Variants in ZDHHC20 observed in about 807,000 individuals in gnomAD.
The protein encoded by ZDHHC20 is palmitoyltransferase ZDHHC20.
A neutral mutation model predicts 57.8 loss-of-function variants in ZDHHC20; 43 were observed. The ratio of observed to expected loss-of-function variants is 0.74; its 90% CI spans 0.58 to 0.96. The LOEUF (loss-of-function observed/expected upper bound fraction) is 0.96, where lower values mean the gene tolerates loss of function less well. ZDHHC20 is among the 40% of genes least tolerant of loss of function. The pLI is 0.00. For synonymous variants in ZDHHC20, 157 were observed against 153.0 expected, an observed-to-expected ratio of 1.03 and a Z score of -0.19; for missense variants, 391 against 441.1, an observed-to-expected ratio of 0.89 and a Z score of 1.02.
chr13:21,400,581 T>A (rs1877484674), intron 6 of ZDHHC20, 88 bp from the exon 7 acceptor site: 1 of 1,360,378 alleles, frequency 7.4e-7, no homozygotes, highest in Non-Finnish European at 9.9e-7. Context: ...TGCCAGGGGC[T>A]GGTGTGGTGT....
intron 8 of ZDHHC20, among the ~76,000 whole-genome samples, chr13:21,388,556 G>C (rs1368129601): frequency 1.3e-5 from 2 of 151,992 alleles, no homozygotes; most frequent in African/African-American, 4.8e-5. Context: ...GTTTACTTGT[G>C]ACTCCTTCTA....
intron 3 of ZDHHC20, among the ~76,000 whole-genome samples, chr13:21,417,601 G>A (rs1235118156): frequency 6.6e-6 from 1 of 152,062 alleles, no homozygotes; most frequent in Admixed American, 6.6e-5. Context: ...CACCACACCC[G>A]GCTAATTTTG....
At chr13:21,394,791 G>A (rs187225968) in intron 7 of ZDHHC20, among the ~76,000 whole-genome samples, 2 of 152,236 alleles carry the variant, frequency 1.3e-5, no homozygotes, top group Admixed American at 6.5e-5. Context: ...CCCAGCTAAG[G>A]GGGAAATCAA....
At chr13:21,401,042 C>T (rs1877552218) in intron 6 of ZDHHC20, among the ~76,000 whole-genome samples, 1 of 151,934 alleles carries the variant, frequency 6.6e-6, no homozygotes, top group Non-Finnish European at 1.5e-5. Flanking sequence ...CTTTGGGAGG[C>T]CAAGGCGGGT....
intron 1 of ZDHHC20, among the ~76,000 whole-genome samples, chr13:21,437,942 C>T (rs540642303): frequency 1.3e-5 from 2 of 152,286 alleles, no homozygotes; most frequent in South Asian, 2.1e-4. Context: ...CTGCCCGCCT[C>T]GGCCTCCCAA....
intron 1 of ZDHHC20, among the ~76,000 whole-genome samples, chr13:21,433,160 T>G (rs954922437): frequency 6.6e-6 from 1 of 152,102 alleles, no homozygotes; most frequent in African/African-American, 2.4e-5. Context: ...AGGATTTTGC[T>G]GTATTGCCCA....
chr13:21,453,682 C>A (rs559396083), intron 1 of ZDHHC20, among the ~76,000 whole-genome samples: 1 of 152,200 alleles, frequency 6.6e-6, no homozygotes, highest in South Asian at 2.1e-4. Context: ...TGGAAAACCC[C>A]CAAATAAATG....
rs886448349 is a variant in ZDHHC20, at chr13:21,375,409, T to A, written c.*1287A>T. On this transcript the variant is annotated 3_prime_UTR_variant, in exon 13 of 13. Coordinates refer to ENST00000400590, the MANE Select transcript of ZDHHC20 (RefSeq NM_001330059.2). ...GTAAATGAGGAGTGACATTTCTACATTGTTTATTCTGTACTTTTCCTTGGA... is the reference window on the plus strand; with the variant it reads ...GTAAATGAGGAGTGACATTTCTACAATGTTTATTCTGTACTTTTCCTTGGA... The A allele has an allele frequency of 3.2e-6, 1 of 308,146 alleles. No individual in the cohort carries two copies. Among genetic ancestry groups the A allele is most frequent in the African/African-American group, 2.3e-5 (1 of 44,172 alleles). The allele number at this position is 308,146 out of a possible 1,614,324, so 19.1% of individuals were successfully genotyped here. A position where few individuals can be genotyped will look rare whatever the true frequency, so the allele number is the denominator to read the frequency against.
chr13:21,414,780 T>C (rs1259206185), intron 3 of ZDHHC20, among the ~76,000 whole-genome samples: 2 of 152,056 alleles, frequency 1.3e-5, no homozygotes, highest in Admixed American at 6.6e-5. Flanking sequence ...TTATGTTTAA[T>C]TGTTCTTTTC....
intron 1 of ZDHHC20, among the ~76,000 whole-genome samples, chr13:21,451,879 A>G (rs1884472477): frequency 6.6e-6 from 1 of 152,032 alleles, no homozygotes; most frequent in South Asian, 2.1e-4. Flanking sequence ...CTGTAGTCCC[A>G]ACTACTTGAG....
intron 7 of ZDHHC20, among the ~76,000 whole-genome samples, chr13:21,397,654 C>T (rs1287979724): frequency 1.3e-5 from 2 of 151,844 alleles, no homozygotes; most frequent in African/African-American, 4.8e-5. Flanking sequence ...GAGTGGGACC[C>T]TATCTCAAAA....
At chr13:21,418,523 T>C (rs1446429034) in intron 3 of ZDHHC20, among the ~76,000 whole-genome samples, 1 of 152,104 alleles carries the variant, frequency 6.6e-6, no homozygotes, top group Non-Finnish European at 1.5e-5. Context: ...ATTATAGCTA[T>C]CCTATGAGGT....
intron 11 of ZDHHC20, among the ~76,000 whole-genome samples, chr13:21,380,269 C>T (rs1369264117): frequency 1.3e-5 from 2 of 151,898 alleles, no homozygotes; most frequent in Admixed American, 1.3e-4. Context: ...GCACGTGCCA[C>T]CACACCTGGC....
intron 4 of ZDHHC20, among the ~76,000 whole-genome samples, chr13:21,403,667 GA>G (rs1325363320): frequency 3.9e-5 from 6 of 152,148 alleles, no homozygotes; most frequent in Non-Finnish European, 8.8e-5. Flanking sequence ...CCCTCAGGGA[GA>G]AAGAAGTTGC....
At chr13:21,395,270 G>A (rs1205463275) in intron 7 of ZDHHC20, among the ~76,000 whole-genome samples, 1 of 151,774 alleles carries the variant, frequency 6.6e-6, no homozygotes, top group Non-Finnish European at 1.5e-5. Context: ...GTTTCACCAT[G>A]TTAGTCAGGA....
chr13:21,393,573 T>C (rs1020633574), intron 7 of ZDHHC20, among the ~76,000 whole-genome samples: 3 of 150,888 alleles, frequency 2.0e-5, no homozygotes, highest in African/African-American at 7.3e-5. Flanking sequence ...GGCATGGTGG[T>C]ACACGCCTGT....
rs1171172490 is a variant in ZDHHC20 at position 21,387,516 on chromosome 13, T to C, written c.846A>G (p.Ile282Met). Residue 282 changes from isoleucine (I) to methionine (M), a missense_variant, in exon 9 of 13, where the codon ATA (isoleucine) becomes ATG (methionine). This residue lies in a region of ZDHHC20 where 197 missense variants were observed against 220.8 expected (regional missense o/e 0.89). Transcript: ENST00000400590. ...GDEKKYWLLP[I>M]FSSLGDGCSF... is the part of the protein sequence containing the mutation. ...CACATTTTATAAATTACCTTGAAAA[T>C]ATTGGAAGTAGCCAATATTTCTTTT... 9 of 1,530,620 alleles carry C rather than the reference T, an allele frequency of 5.9e-6. No homozygotes were observed. In the East Asian group the frequency reaches 2.0e-4, roughly 33 times the overall value. The allele number at this position is 1,530,620 out of a possible 1,614,324, so 94.8% of individuals were successfully genotyped here. A position where few individuals can be genotyped will look rare whatever the true frequency, so the allele number is the denominator to read the frequency against.
At chr13:21,388,306 T>C (rs1874971186) in intron 8 of ZDHHC20, among the ~76,000 whole-genome samples, 2 of 152,170 alleles carry the variant, frequency 1.3e-5, no homozygotes, top group South Asian at 4.1e-4. Context: ...CACTTCAGTG[T>C]GTTTTATAAG....
chr13:21,433,565 C>T (rs1397492426), intron 1 of ZDHHC20, among the ~76,000 whole-genome samples: 12 of 143,108 alleles, frequency 8.4e-5, no homozygotes, highest in African/African-American at 2.3e-4. Context: ...TGCAGTGAGC[C>T]GAGATCACTC....
Sources: gnomAD v4.1 joint callset for allele counts (sites outside exome capture counted in the v4.1 genomes callset) on GRCh38, gnomAD v4.1.1 for gene constraint, gnomAD v4.1.1 regional missense constraint, MANE v1.5 for transcripts, NCBI Gene and HGNC (gene_info 2026-07-23, HGNC 2026-07-21) for gene names.